NTM: variants seen among roughly 807,000 people sequenced by gnomAD.
NTM encodes neurotrimin, also known as IgLON family member 2.
In NTM, 13 loss-of-function variants were observed where a neutral mutation model predicts 42.1. That is an observed-to-expected ratio of 0.31 (90% CI 0.20 to 0.49). The LOEUF (loss-of-function observed/expected upper bound fraction) is 0.49. NTM is among the 20% of genes least tolerant of loss of function. The pLI, the probability that NTM is intolerant of heterozygous loss-of-function variation, is 0.99. For synonymous variants in NTM, 187 were observed against 179.2 expected (o/e 1.04, Z -0.35); for missense variants, 373 against 452.8 (o/e 0.82, Z 1.60).
At position 132,003,409 on chromosome 11, in the gene NTM, C is replaced by CTAATTTT. The variant is rs1300030171; in HGVS notation, c.167+91765_167+91771dup. ...CACAGGTGTGCACCACTATGTCTGG[C>CTAATTTT]TAATTTTTAAATTTTATGTAGAGAC... On this transcript the variant is annotated intron_variant, in intron 2 of 8. Transcript: ENST00000683400. The surrounding 1 kb of genome is among the most constrained non-coding windows in gnomAD (Gnocchi z 6.0). Among the ~76,000 whole-genome samples the CTAATTTT allele has an allele frequency of 6.6e-6, 1 of 152,040 alleles. No homozygotes were observed. The highest frequency in any genetic ancestry group is 6.6e-5 in the Admixed American group (1 of 15,258).
In NTM at chr11:132,167,168, A is replaced by G. The variant is rs185149563; in HGVS notation, c.400+20654A>G. Among the ~76,000 whole-genome samples the G allele has an allele frequency of 1.5e-3, 221 of 152,328 alleles. 1 individual carries two copies. Among genetic ancestry groups the G allele is most frequent in the Non-Finnish European group, 2.6e-3 (176 of 68,032 alleles). ...AGTTATATGACTGGCATGTACAATG[A>G]TGAGCAAAATTGACATTGTTCTTTA... On this transcript the variant is annotated intron_variant, in intron 3 of 8. Coordinates refer to ENST00000683400, the MANE Select transcript of NTM (RefSeq NM_001352005.2).
At chr11:131,822,503 T>C (rs959063396) in intron 1 of NTM, among the ~76,000 whole-genome samples, 3 of 152,170 alleles carry the variant, frequency 2.0e-5, no homozygotes, top group Non-Finnish European at 2.9e-5. Flanking sequence ...CTCAAATCAG[T>C]GTGAAGAATA....
intron 2 of NTM, among the ~76,000 whole-genome samples, chr11:132,045,461 A>G (rs2077853812): frequency 6.6e-6 from 1 of 152,174 alleles, no homozygotes; most frequent in South Asian, 2.1e-4. Context: ...AGATATCTGA[A>G]GTTATTATTT....
chr11:131,748,245 T>C (rs993015127), intron 1 of NTM, among the ~76,000 whole-genome samples: 3 of 152,230 alleles, frequency 2.0e-5, no homozygotes, highest in Non-Finnish European at 4.4e-5. Flanking sequence ...GTCCAGGTCA[T>C]GTATCATGTA....
At position 132,251,621 on chromosome 11, in the gene NTM, C is replaced by A. The variant is rs1298692116; in HGVS notation, c.526+39474C>A. On this transcript the variant is annotated intron_variant, in intron 4 of 8. Transcript: ENST00000683400. Reference sequence around the variant, plus strand: ...CAGCTGTTTCACTTTGTACAAAGATCAAAGTTTATATCTTTCTGTGTCTCA... The same window carrying A: ...CAGCTGTTTCACTTTGTACAAAGATAAAAGTTTATATCTTTCTGTGTCTCA... Among the ~76,000 whole-genome samples the A allele has an allele frequency of 2.0e-5, 3 of 152,196 alleles. No individual in the cohort carries two copies. In the East Asian group the frequency reaches 5.8e-4, roughly 29 times the overall value.
chr11:132,221,503 A>G (rs986098667), intron 4 of NTM, among the ~76,000 whole-genome samples: 4 of 152,110 alleles, frequency 2.6e-5, no homozygotes, highest in African/African-American at 9.7e-5. Flanking sequence ...CCCAGAGTGC[A>G]GGGGCTTCAT....
chr11:132,326,861 A>G (rs931916605), intron 7 of NTM, among the ~76,000 whole-genome samples: 2 of 152,218 alleles, frequency 1.3e-5, no homozygotes, highest in African/African-American at 4.8e-5. Context: ...AATACGCTCC[A>G]AGTTATACTT....
At chr11:131,841,927 G>A (rs1001626960) in intron 1 of NTM, among the ~76,000 whole-genome samples, 1 of 152,256 alleles carries the variant, frequency 6.6e-6, no homozygotes, top group African/African-American at 2.4e-5. Context: ...AAAGTGGCAA[G>A]AGATGCCCAA....
intron 1 of NTM, among the ~76,000 whole-genome samples, chr11:131,469,479 G>A (rs1260462300): frequency 2.0e-5 from 3 of 152,186 alleles, no homozygotes; most frequent in African/African-American, 7.2e-5. Context: ...TCAAAGTCTT[G>A]TCCACTACAT....
At chr11:132,315,857 C>T (rs898352078) in intron 7 of NTM, among the ~76,000 whole-genome samples, 4 of 152,134 alleles carry the variant, frequency 2.6e-5, no homozygotes, top group South Asian at 2.1e-4. Flanking sequence ...TTGGAATGGG[C>T]AGAGCTGTGA....
At chr11:132,321,690 A>G (rs2095572046) in intron 7 of NTM, among the ~76,000 whole-genome samples, 1 of 151,340 alleles carries the variant, frequency 6.6e-6, no homozygotes. Flanking sequence ...CCACAAAGAT[A>G]CTCCTCGAGA....
At chr11:132,095,382 C>T (rs574448964) in intron 2 of NTM, among the ~76,000 whole-genome samples, 3 of 152,172 alleles carry the variant, frequency 2.0e-5, no homozygotes, top group East Asian at 1.9e-4. Context: ...CCACTGTCTC[C>T]GCCAAGGCTC....
At chr11:131,636,569 G>C (rs2064420189) in intron 1 of NTM, among the ~76,000 whole-genome samples, 1 of 152,204 alleles carries the variant, frequency 6.6e-6, no homozygotes, top group Admixed American at 6.5e-5. Flanking sequence ...GATGCAGACT[G>C]CCTGGCATCT....
chr11:132,321,549 T>G (rs1189763765), intron 7 of NTM, among the ~76,000 whole-genome samples: 2 of 152,186 alleles, frequency 1.3e-5, no homozygotes, highest in Non-Finnish European at 2.9e-5. Context: ...AATCTACCTC[T>G]GATTGGTGTA....
At chr11:132,017,998 C>T (rs2135490055) in intron 2 of NTM, among the ~76,000 whole-genome samples, 1 of 152,094 alleles carries the variant, frequency 6.6e-6, no homozygotes, top group Non-Finnish European at 1.5e-5. Flanking sequence ...AAATTGTTTA[C>T]TAGTTCTAAT....
At chr11:132,075,593 A>C (rs2058262002) in intron 2 of NTM, among the ~76,000 whole-genome samples, 1 of 152,196 alleles carries the variant, frequency 6.6e-6, no homozygotes, top group Non-Finnish European at 1.5e-5. Flanking sequence ...AGCTCTTGTC[A>C]TTTCCAAACA....
At chr11:131,398,911 A>G (rs558567453) in intron 1 of NTM, among the ~76,000 whole-genome samples, 1 of 152,356 alleles carries the variant, frequency 6.6e-6, no homozygotes, top group African/African-American at 2.4e-5. Context: ...TGAACATTAC[A>G]TGAAAGTAAT....
At chr11:131,640,826 T>C (rs947504019) in intron 1 of NTM, among the ~76,000 whole-genome samples, 1 of 152,242 alleles carries the variant, frequency 6.6e-6, no homozygotes, top group African/African-American at 2.4e-5. Flanking sequence ...GGGATAAGAA[T>C]GACTGTATCT....
intron 1 of NTM, among the ~76,000 whole-genome samples, chr11:131,488,978 G>A (rs535993745): frequency 6.6e-6 from 1 of 152,272 alleles, no homozygotes; most frequent in South Asian, 2.1e-4. Flanking sequence ...ATCCAGGAAG[G>A]CATTCATTCA....
Sources: gnomAD v4.1 joint callset for allele counts (sites outside exome capture counted in the v4.1 genomes callset) on GRCh38, gnomAD v4.1.1 for gene constraint, Gnocchi (gnomAD v3.1) non-coding constraint, MANE v1.5 for transcripts, NCBI Gene and HGNC (gene_info 2026-07-23, HGNC 2026-07-21) for gene names.